NLN: variants seen among roughly 807,000 people sequenced by gnomAD.
NLN encodes the protein neurolysin, mitochondrial.
Under a neutral mutation model 79.9 loss-of-function variants are expected in NLN, and 64 were observed. That is an observed-to-expected ratio of 0.80 (90% CI 0.65 to 0.99). The LOEUF is 0.99. Ranked by LOEUF, NLN falls within the 50% of genes least tolerant of loss-of-function variation. The pLI, the probability that NLN is intolerant of heterozygous loss-of-function variation, is 0.00. For missense variants in NLN, 835 were observed against 858.7 expected, an observed-to-expected ratio of 0.97 and a Z score of 0.34; for synonymous variants, 267 against 296.6, an observed-to-expected ratio of 0.90 and a Z score of 1.02.
chr5:65,744,236 G>T (rs1758925661), intron 1 of NLN, among the ~76,000 whole-genome samples: 2 of 152,134 alleles, frequency 1.3e-5, no homozygotes, highest in Non-Finnish European at 2.9e-5. Context: ...GGGCTCAAGT[G>T]ATCCTTTCTC....
intron 4 of NLN, 38 bp downstream of exon 4, chr5:65,777,572 ATG>A: frequency 7.7e-7 from 1 of 1,296,662 alleles, no homozygotes; most frequent in Non-Finnish European, 1.1e-6. Flanking sequence ...GAAAAAAAAA[ATG>A]AATAAATAAA....
chr5:65,778,174 G>A (rs1403166240), intron 4 of NLN, among the ~76,000 whole-genome samples: 2 of 152,124 alleles, frequency 1.3e-5, no homozygotes, highest in African/African-American at 2.4e-5. Flanking sequence ...TTTAACACAT[G>A]CCCCTTAAAA....
At chr5:65,770,808 TTAAAA>T (rs1282515351) in intron 3 of NLN, among the ~76,000 whole-genome samples, 1 of 152,176 alleles carries the variant, frequency 6.6e-6, no homozygotes, top group African/African-American at 2.4e-5. Flanking sequence ...TTTTATAGCA[TTAAAA>T]TAAATAAGTA....
chr5:65,819,058 A>G (rs1659725675), intron 12 of NLN: 1 of 152,222 alleles, frequency 6.6e-6, no homozygotes, highest in Admixed American at 6.5e-5. Flanking sequence ...TAAGTGCCTT[A>G]TCTCTCCCAC....
rs1487142054 is a variant in NLN at position 65,734,498 on chromosome 5, G to A, written c.41+12084G>A. Among the ~76,000 whole-genome samples, 8 of 88,724 alleles carry A rather than the reference G, an allele frequency of 9.0e-5. 1 individual carries two copies. Among genetic ancestry groups the A allele is most frequent in the Admixed American group, 2.9e-4 (3 of 10,276 alleles). The allele number at this position is 88,724 out of a possible 152,430, so 58.2% of individuals were successfully genotyped here. ...AATGATGCAGGAGTTACCCTCGCACGGATGGTTATTTAAAAATGTCAAAAA... is the reference window on the plus strand; with the variant it reads ...AATGATGCAGGAGTTACCCTCGCACAGATGGTTATTTAAAAATGTCAAAAA... On this transcript the variant is annotated intron_variant, in intron 1 of 12. Transcript: ENST00000380985.
intron 6 of NLN, among the ~76,000 whole-genome samples, chr5:65,785,447 G>A (rs1579949227): frequency 6.6e-6 from 1 of 152,030 alleles, no homozygotes; most frequent in Non-Finnish European, 1.5e-5. Flanking sequence ...CCAATATTTG[G>A]TGCAGTTCTG....
intron 9 of NLN, chr5:65,793,759 C>T (rs1760114748): frequency 6.6e-6 from 1 of 152,014 alleles, no homozygotes; most frequent in Admixed American, 6.5e-5. Context: ...AAAACAAAAA[C>T]ATTTTTATTA....
chr5:65,758,995 A>G (rs1759283050), intron 2 of NLN, among the ~76,000 whole-genome samples, 169 bp downstream of exon 2: 1 of 152,236 alleles, frequency 6.6e-6, no homozygotes, highest in South Asian at 2.1e-4. Context: ...CAAAGGTGCT[A>G]TAAAATGTAC....
At position 65,828,402 on chromosome 5, in the gene NLN, G is replaced by A. The variant is rs1760959223; in HGVS notation, c.*5487G>A. 2.0e-5 allele frequency: 3 copies of A among 152,180 alleles called. No individual in the cohort carries two copies. The highest frequency in any genetic ancestry group is 4.8e-5 in the African/African-American group (2 of 41,434). The allele number at this position is 152,180 out of a possible 1,614,324, so 9.4% of individuals were successfully genotyped here. On this transcript the variant is annotated 3_prime_UTR_variant, in exon 13 of 13. Coordinates refer to ENST00000380985, the MANE Select transcript of NLN (RefSeq NM_020726.5). Reference sequence around the variant, plus strand: ...TGTTTGCAGGAGCAGTAACAAGATGGTGATAACTTTGAAAATACTTCTCAA... The same window carrying A: ...TGTTTGCAGGAGCAGTAACAAGATGATGATAACTTTGAAAATACTTCTCAA...
At chr5:65,748,236 G>A (rs1321844775) in intron 1 of NLN, among the ~76,000 whole-genome samples, 2 of 152,078 alleles carry the variant, frequency 1.3e-5, no homozygotes, top group African/African-American at 4.8e-5. Context: ...CATCCAGGTC[G>A]AAGGGTTGAG....
Position 65,792,660 on chromosome 5 carries a change from G to GC in NLN, c.1527+5_1527+6insC, listed in dbSNP as rs1760091566. The GC allele has an allele frequency of 6.6e-7, 1 of 1,516,972 alleles. No homozygotes were observed. The highest frequency in any genetic ancestry group is 1.4e-5 in the African/African-American group (1 of 72,268). 94.0% of individuals were successfully genotyped at this position (1,516,972 alleles called of 1,614,324 possible). A position where few individuals can be genotyped will look rare whatever the true frequency, so the allele number is the denominator to read the frequency against. ...ATGCATCAGATTTGTGCACAGGTGA[G>GC]TTTTTTTTTTCCCCCAGTAAACCTG... On this transcript the variant is annotated splice_donor_region_variant and intron_variant, in intron 9 of 12. Transcript: ENST00000380985.
intron 1 of NLN, among the ~76,000 whole-genome samples, chr5:65,738,700 A>G (rs1758790446): frequency 6.6e-6 from 1 of 151,722 alleles, no homozygotes; most frequent in Non-Finnish European, 1.5e-5. Context: ...TTTGACCAGC[A>G]TCTCTCCAAC....
chr5:65,728,538 T>C (rs1287914613), intron 1 of NLN, among the ~76,000 whole-genome samples: 1 of 152,198 alleles, frequency 6.6e-6, no homozygotes, highest in East Asian at 1.9e-4. Flanking sequence ...CTTATTCTAT[T>C]CTAAAAACTT....
At chr5:65,810,360 T>G (rs1204725597) in intron 11 of NLN, among the ~76,000 whole-genome samples, 195 bp downstream of exon 11, 1 of 152,170 alleles carries the variant, frequency 6.6e-6, no homozygotes, top group Non-Finnish European at 1.5e-5. Flanking sequence ...GAAAGGTGGC[T>G]CCAGATCTGC....
At chr5:65,813,859 G>A (rs998234733) in intron 12 of NLN, among the ~76,000 whole-genome samples, 1 of 152,026 alleles carries the variant, frequency 6.6e-6, no homozygotes, top group African/African-American at 2.4e-5. Context: ...GCCTAGGAGA[G>A]GTGGAAGCTG....
intron 9 of NLN, among the ~76,000 whole-genome samples, chr5:65,800,182 A>G (rs772153316): frequency 4.6e-5 from 7 of 152,218 alleles, no homozygotes. Context: ...CTGTTCTCTT[A>G]ATTAGAACAG....
Position 65,812,239 on chromosome 5 carries a change from G to A in NLN, c.1844-16G>A. The A allele has an allele frequency of 6.2e-7, 1 of 1,612,184 alleles. No individual in the cohort carries two copies. Among genetic ancestry groups the A allele is most frequent in the Non-Finnish European group, 8.5e-7 (1 of 1,178,324 alleles). ...CGTTTGCTATCACATTGATTGAAATGTATCTTTTTTTAAAGGCACAAATAT... is the reference window on the plus strand; with the variant it reads ...CGTTTGCTATCACATTGATTGAAATATATCTTTTTTTAAAGGCACAAATAT... On this transcript the variant is annotated splice_polypyrimidine_tract_variant and intron_variant, in intron 11 of 12. Transcript: ENST00000380985.
At position 65,738,962 on chromosome 5, in the gene NLN, T is replaced by TTTTATA. The variant is rs1394424485; in HGVS notation, c.41+16548_41+16549insTTTATA. On this transcript the variant is annotated intron_variant, in intron 1 of 12. Coordinates refer to ENST00000380985, the MANE Select transcript of NLN (RefSeq NM_020726.5). ...TTTTTTATATATGTTTATATATATG[T>TTTTATA]ATATATAAATATATATATTATATAT... is the stretch of plus-strand genomic sequence containing the variant. Among the ~76,000 whole-genome samples, 271 of 55,748 alleles carry TTTTATA rather than the reference T, an allele frequency of 4.9e-3. 1 individual carries two copies. The highest frequency in any genetic ancestry group is 0.023 in the African/African-American group (252 of 11,198). The allele number at this position is 55,748 out of a possible 152,430, so 36.6% of individuals were successfully genotyped here.
rs1759271971 is a variant in NLN at position 65,758,574 on chromosome 5, G to C, written c.49G>C (p.Gly17Arg). Residue 17 changes from glycine to arginine, a missense_variant, in exon 2 of 13, where the codon GGT becomes CGT. Transcript: ENST00000380985. Reference protein sequence around the residue: ...LAVRSLRRVGGSRILLRMTLG... With the variant: ...LAVRSLRRVGRSRILLRMTLG... Reference sequence around the variant, plus strand: ...TTTTCTGATTCTTTTTAGAGTTGGTGGTTCCAGGATTTTACTCAGAATGAC... The same window carrying C: ...TTTTCTGATTCTTTTTAGAGTTGGTCGTTCCAGGATTTTACTCAGAATGAC... 6.2e-7 allele frequency: 1 copy of C among 1,604,246 alleles called. No individual in the cohort carries two copies. Among genetic ancestry groups the C allele is most frequent in the African/African-American group, 1.3e-5 (1 of 74,660 alleles).
Sources: gnomAD v4.1 joint callset for allele counts (sites outside exome capture counted in the v4.1 genomes callset) on GRCh38, gnomAD v4.1.1 for gene constraint, MANE v1.5 for transcripts, NCBI Gene and HGNC (gene_info 2026-07-23, HGNC 2026-07-21) for gene names.